Variants in MEGF10 observed in about 807,000 individuals in gnomAD.
MEGF10 encodes the protein multiple EGF like domains 10.
A neutral mutation model predicts 147.5 loss-of-function variants in MEGF10; 86 were observed. That is an observed-to-expected ratio of 0.58 (90% CI 0.49 to 0.70). MEGF10 has a LOEUF of 0.70. Among genes scored for constraint, MEGF10 ranks in the 30% least tolerant of loss-of-function variants. The probability of loss-of-function intolerance (pLI) is 0.00; values close to 1 mark genes in which losing one functional copy is unlikely to be tolerated. For synonymous variants in MEGF10, 478 were observed against 525.5 expected (o/e 0.91, Z 1.24); for missense variants, 1,329 against 1,487.3 (o/e 0.89, Z 1.75).
At chr5:127,343,796 A>T (rs1423989668) in intron 4 of MEGF10, among the ~76,000 whole-genome samples, 1 of 151,924 alleles carries the variant, frequency 6.6e-6, no homozygotes, top group Admixed American at 6.6e-5. Context: ...TAAAAAAAAA[A>T]AGTCATCTTC....
At chr5:127,420,316 A>C (rs1764949050) in intron 12 of MEGF10, 109 bp downstream of exon 12, 7 of 1,162,804 alleles carry the variant, frequency 6.0e-6, no homozygotes, top group Non-Finnish European at 8.4e-6. Flanking sequence ...TGTGAACCCA[A>C]CTTCGGTAAC....
At chr5:127,344,872 C>T (rs1761823229) in intron 4 of MEGF10, among the ~76,000 whole-genome samples, 1 of 152,270 alleles carries the variant, frequency 6.6e-6, no homozygotes, top group Non-Finnish European at 1.5e-5. Context: ...TTACAGGTAT[C>T]GTTAGTGGAT....
Position 127,396,767 on chromosome 5 carries a change from C to T in MEGF10, c.648C>T (p.Tyr216=), listed in dbSNP as rs144079313. Residue 216 remains tyrosine, a synonymous_variant, in exon 6 of 25, where the codon TAC becomes TAT. Coordinates refer to ENST00000503335, the MANE Select transcript of MEGF10 (RefSeq NM_001256545.2). ...GGGAATGCCGCTGCCCACCAGGATA[C>T]ACCGGAGCCTTGTAAGTCACATGCT... ...VTGECRCPPG[Y]TGAFCEDLCP... The T allele has an allele frequency of 1.9e-6, 3 of 1,613,226 alleles. No homozygotes were observed. The highest frequency in any genetic ancestry group is 2.5e-6 in the Non-Finnish European group (3 of 1,179,452).
At chr5:127,424,757 GA>G (rs1416793781) in intron 13 of MEGF10, 1 of 167,072 alleles carries the variant, frequency 6.0e-6, no homozygotes, top group African/African-American at 2.4e-5. Flanking sequence ...GAGATAACTT[GA>G]CTTCACAATA....
At chr5:127,239,466 AT>A in the MEGF10 span, among the ~76,000 whole-genome samples, 865 of 144,300 alleles carry the variant, frequency 6.0e-3, 8 homozygotes, top group Middle Eastern at 0.022. Context: ...TATAAAATAT[AT>A]ATATATATAA....
At chr5:127,276,463 G>A in the MEGF10 span, among the ~76,000 whole-genome samples, 1 of 152,298 alleles carries the variant, frequency 6.6e-6, no homozygotes, top group African/African-American at 2.4e-5. Flanking sequence ...ATTATAATCT[G>A]AGAGATAAGC....
rs138881254 is a variant in MEGF10 at position 127,417,096 on chromosome 5, C to T, written c.1131-542C>T. On this transcript the variant is annotated intron_variant, in intron 9 of 24. Coordinates refer to ENST00000503335, the MANE Select transcript of MEGF10 (RefSeq NM_001256545.2). ...GGGCCCTATTGTGTCAACTCACTTA[C>T]GCGTGCATCTCAGCGCAGCTGATAT... Among the ~76,000 whole-genome samples the T allele has an allele frequency of 1.4e-3, 212 of 152,320 alleles. 1 individual carries two copies. The highest frequency in any genetic ancestry group is 0.013 in the East Asian group (67 of 5,182).
intron 4 of MEGF10, among the ~76,000 whole-genome samples, chr5:127,341,575 T>C (rs1340987003): frequency 6.6e-6 from 1 of 152,182 alleles, no homozygotes; most frequent in Non-Finnish European, 1.5e-5. Flanking sequence ...CTTGGAATAG[T>C]ACATATCTCG....
rs1692388988 is a variant in MEGF10 at position 127,396,544 on chromosome 5, A to G, written c.425A>G (p.Asp142Gly). The change falls in exon 6 of 25, where the codon GAT (aspartate) becomes GGT (glycine). Residue 142 changes from aspartate to glycine, a missense_variant. Physicochemically the swap from Asp to Gly is moderately conservative, Grantham distance 94. This residue lies in a region of MEGF10 where 980 missense variants were observed against 1,085.9 expected (regional missense o/e 0.90). Coordinates refer to ENST00000503335, the MANE Select transcript of MEGF10 (RefSeq NM_001256545.2). ...TCCTCAATCTCAGCCTGCGATGGTGATCACTGGGGTCCCCACTGCACCAGC... is the reference window on the plus strand; with the variant it reads ...TCCTCAATCTCAGCCTGCGATGGTGGTCACTGGGGTCCCCACTGCACCAGC... ...GTNCSSACDG[D>G]HWGPHCTSRC... is the part of the protein sequence containing the mutation. 4 of 1,544,566 alleles carry G rather than the reference A, an allele frequency of 2.6e-6. No individual in the cohort carries two copies. The highest frequency in any genetic ancestry group is 2.6e-6 in the Non-Finnish European group (3 of 1,142,324).
At chr5:127,325,904 TATATA>T (rs377606226) in intron 1 of MEGF10, among the ~76,000 whole-genome samples, 1,764 of 108,048 alleles carry the variant, frequency 0.016, 43 homozygotes, top group Non-Finnish European at 0.02. Flanking sequence ...TATATATATA[TATATA>T]TTTTTTTTTT....
chr5:127,447,916 G>A (rs1766010341), intron 21 of MEGF10, among the ~76,000 whole-genome samples: 1 of 152,182 alleles, frequency 6.6e-6, no homozygotes, highest in Non-Finnish European at 1.5e-5. Context: ...CCGATAATGA[G>A]TGAGGCAGCT....
chr5:127,389,930 G>A (rs1364653539), intron 5 of MEGF10, among the ~76,000 whole-genome samples: 9 of 152,136 alleles, frequency 5.9e-5, no homozygotes, highest in Non-Finnish European at 1.2e-4. Flanking sequence ...AAAAGGAAGA[G>A]ATATGTAAAG....
At chr5:127,253,717 T>C in the MEGF10 span, among the ~76,000 whole-genome samples, 2 of 151,950 alleles carry the variant, frequency 1.3e-5, no homozygotes, top group East Asian at 1.9e-4. Flanking sequence ...GCAAAAATGA[T>C]ATAGCAGGCC....
intron 5 of MEGF10, among the ~76,000 whole-genome samples, chr5:127,391,098 GCGCGCACACACACACACACACA>G (rs1438779506): frequency 1.3e-4 from 4 of 29,736 alleles, no homozygotes; most frequent in African/African-American, 2.8e-4. Flanking sequence ...GCGCGCGCGC[GCGCGCACACACACACACACACA>G]CACACACACA....
intron 1 of MEGF10, among the ~76,000 whole-genome samples, chr5:127,301,458 G>A (rs1447223566): frequency 6.6e-6 from 1 of 152,052 alleles, no homozygotes; most frequent in African/African-American, 2.4e-5. Context: ...ATCTATGAGA[G>A]GTCTGAGTAC....
intron 1 of MEGF10, among the ~76,000 whole-genome samples, chr5:127,305,431 G>A (rs533963071): frequency 3.4e-4 from 52 of 152,152 alleles, no homozygotes; most frequent in Non-Finnish European, 7.2e-4. Context: ...ACCTAGCCTA[G>A]GAGACATGTG....
intron 16 of MEGF10, among the ~76,000 whole-genome samples, chr5:127,437,613 T>C (rs60931267): frequency 0.061 from 9,341 of 152,282 alleles, 989 homozygotes; most frequent in African/African-American, 0.21. Context: ...TTTTACCCCC[T>C]GATCTTATGC....
At chr5:127,268,663 T>C in the MEGF10 span, among the ~76,000 whole-genome samples, 14 of 152,276 alleles carry the variant, frequency 9.2e-5, no homozygotes, top group Admixed American at 3.9e-4. Context: ...CCTCTGGGGG[T>C]AGGGCATAGC....
intron 13 of MEGF10, among the ~76,000 whole-genome samples, chr5:127,427,672 G>A (rs1765249333): frequency 6.6e-6 from 1 of 152,104 alleles, no homozygotes; most frequent in African/African-American, 2.4e-5. Flanking sequence ...AGTTTGACCA[G>A]CTGAGTGAGT....
Sources: gnomAD v4.1 joint callset for allele counts (sites outside exome capture counted in the v4.1 genomes callset) on GRCh38, gnomAD v4.1.1 for gene constraint, gnomAD v4.1.1 regional missense constraint, MANE v1.5 for transcripts, NCBI Gene and HGNC (gene_info 2026-07-23, HGNC 2026-07-21) for gene names.